HUWE1: variants seen among roughly 807,000 people sequenced by gnomAD.
HUWE1 encodes the protein HECT, UBA and WWE domain containing E3 ubiquitin protein ligase 1.
HUWE1 carries 18 observed loss-of-function variants against 299.4 expected under a neutral mutation model. That is an observed-to-expected ratio of 0.06 (90% CI 0.04 to 0.09). The LOEUF (loss-of-function observed/expected upper bound fraction) is 0.09, where lower values mean the gene tolerates loss of function less well. Ranked by LOEUF, HUWE1 falls within the 10% of genes least tolerant of loss-of-function variation. The pLI, the probability that HUWE1 is intolerant of heterozygous loss-of-function variation, is 1.00. For missense variants in HUWE1, 1,832 were observed against 3,462.3 expected (o/e 0.53, Z 11.82); for synonymous variants, 1,317 against 1,286.1 (o/e 1.02, Z -0.51).
At chrX:53,613,971 T>C (rs1263201372) in intron 23 of HUWE1, among the ~76,000 whole-genome samples, 6 of 112,405 alleles carry the variant, frequency 5.3e-5, no homozygotes, top group Non-Finnish European at 9.4e-5. Context: ...CTTTTAAGAA[T>C]GAGCACTTCC....
intron 82 of HUWE1, 142 bp from the exon 83 acceptor site, chrX:53,534,339 C>G: frequency 1.5e-6 from 1 of 688,807 alleles, no homozygotes. Flanking sequence ...TCCTTTCATT[C>G]ATAAGACGGC....
chrX:53,633,283 T>C (rs2066989717), intron 8 of HUWE1, among the ~76,000 whole-genome samples: 1 of 112,664 alleles, frequency 8.9e-6, no homozygotes, highest in Non-Finnish European at 1.9e-5. Context: ...AAGTTACCAC[T>C]GCATACCTCT....
rs1185783636 is a variant in HUWE1, at chrX:53,686,283, T to G, written c.-176A>C. On this transcript the variant is annotated 5_prime_UTR_variant, in exon 2 of 84. Coordinates refer to ENST00000262854, the MANE Select transcript of HUWE1 (RefSeq NM_031407.7). The stretch of plus-strand genomic sequence containing the variant: ...TAATGCCGGTACCTCGCATCCCCTC[T>G]GTCAGCCGCTCTCTCGCCGCGCCGC... 8.8e-6 allele frequency: 1 copy of G among 113,067 alleles called. No individual in the cohort carries two copies. The highest frequency in any genetic ancestry group is 1.9e-5 in the Non-Finnish European group (1 of 53,226). 9.3% of individuals were successfully genotyped at this position (113,067 alleles called of 1,213,427 possible).
chrX:53,563,689 C>T, intron 52 of HUWE1, 57 bp downstream of exon 52: 2 of 1,162,624 alleles, frequency 1.7e-6, no homozygotes, highest in East Asian at 6.1e-5. Flanking sequence ...GAAAAAGGGT[C>T]CTCCCAAGAG....
intron 56 of HUWE1, 143 bp from the exon 57 acceptor site, chrX:53,559,675 A>G (rs1295034061): frequency 3.6e-6 from 2 of 552,880 alleles, no homozygotes; most frequent in Non-Finnish European, 6.1e-6. Flanking sequence ...AGTCTAAGTT[A>G]TTTTTCTGAA....
chrX:53,592,317 A>T, intron 33 of HUWE1, 81 bp downstream of exon 33: 1 of 661,767 alleles, frequency 1.5e-6, no homozygotes, highest in Non-Finnish European at 2.5e-6. Flanking sequence ...ACTCAGTGGT[A>T]TGTGAGCTTA....
chrX:53,646,715 GTTGT>G (rs1557036281), intron 6 of HUWE1, among the ~76,000 whole-genome samples: 2 of 111,786 alleles, frequency 1.8e-5, no homozygotes. Flanking sequence ...TTTCTTTTAA[GTTGT>G]TTGTTCTGAT....
chrX:53,632,056 A>G, intron 9 of HUWE1: 1 of 343,556 alleles, frequency 2.9e-6, no homozygotes, highest in Non-Finnish European at 5.5e-6. Flanking sequence ...TCACTAAGCT[A>G]CTTCTAAACC....
chrX:53,602,196 A>C (rs2064892551), intron 28 of HUWE1, among the ~76,000 whole-genome samples: 1 of 111,685 alleles, frequency 9.0e-6, no homozygotes, highest in Non-Finnish European at 1.9e-5. Flanking sequence ...CATATTAGAA[A>C]CTTAACAGGG....
chrX:53,614,524 A>C lies in HUWE1; in HGVS notation c.2261+10T>G, dbSNP rs182313670. On this transcript the variant is annotated intron_variant, in intron 23 of 83. Transcript: ENST00000262854. Reference sequence around the variant, plus strand: ...TATATGGCTAGATGATCTGTTCTGTAAACACTTACTGCTGATTAGGCTCAG... The same window carrying C: ...TATATGGCTAGATGATCTGTTCTGTCAACACTTACTGCTGATTAGGCTCAG... 3.3e-4 allele frequency: 385 copies of C among 1,178,938 alleles called. No homozygotes were observed. The African/African-American group carries it at 6.3e-3, about 19-fold the overall frequency.
intron 23 of HUWE1, among the ~76,000 whole-genome samples, chrX:53,611,019 C>T (rs1329844588): frequency 9.1e-6 from 1 of 109,937 alleles, no homozygotes; most frequent in East Asian, 2.8e-4. Flanking sequence ...GGGCAAAAGA[C>T]AGGTATTTAG....
chrX:53,664,615 G>A (rs782430449), intron 3 of HUWE1, among the ~76,000 whole-genome samples: 4 of 111,853 alleles, frequency 3.6e-5, no homozygotes, highest in South Asian at 3.7e-4. Flanking sequence ...GAAGCATTAC[G>A]GCAGTTCTTA....
chrX:53,623,732 CAAGT>C (rs2066299162), intron 19 of HUWE1, among the ~76,000 whole-genome samples: 1 of 111,766 alleles, frequency 8.9e-6, no homozygotes, highest in Admixed American at 9.4e-5. Flanking sequence ...GAAAACAAAA[CAAGT>C]ATGTACTAAT....
chrX:53,573,495 A>G (rs2062938976), intron 47 of HUWE1, among the ~76,000 whole-genome samples: 1 of 112,048 alleles, frequency 8.9e-6, no homozygotes, highest in Admixed American at 9.4e-5. Context: ...TTGAGTAGAG[A>G]TGGGGTTTTG....
intron 36 of HUWE1, 145 bp from the exon 37 acceptor site, chrX:53,588,679 G>A (rs193038908): frequency 1.5e-4 from 83 of 559,532 alleles, no homozygotes; most frequent in Middle Eastern, 4.5e-4. Flanking sequence ...TTTACCATAG[G>A]GATTTAGAAT....
chrX:53,559,151 G>A, intron 57 of HUWE1, 91 bp from the exon 58 acceptor site: 1 of 810,788 alleles, frequency 1.2e-6, no homozygotes, highest in Non-Finnish European at 1.8e-6. Context: ...TCCCTAAAAG[G>A]ACCCAAGGTC....
intron 15 of HUWE1, among the ~76,000 whole-genome samples, chrX:53,628,127 G>A (rs1557019533): frequency 9.0e-6 from 1 of 111,033 alleles, no homozygotes; most frequent in Admixed American, 9.6e-5. Flanking sequence ...AAAAGCTGGT[G>A]CTCATTGCCC....
intron 46 of HUWE1, 137 bp from the exon 47 acceptor site, chrX:53,574,101 G>GC: frequency 1.9e-6 from 1 of 524,497 alleles, no homozygotes; most frequent in Non-Finnish European, 3.3e-6. Flanking sequence ...ACACTGCAGT[G>GC]CAAGAGCAGA....
At chrX:53,606,206 TGAG>T (rs1556996603) in intron 25 of HUWE1, among the ~76,000 whole-genome samples, 1 of 112,149 alleles carries the variant, frequency 8.9e-6, no homozygotes, top group Non-Finnish European at 1.9e-5. Context: ...ATCATATACC[TGAG>T]AAGAAATTAG....
Sources: allele counts gnomAD v4.1 joint callset (sites outside exome capture counted in the v4.1 genomes callset), GRCh38; gene constraint gnomAD v4.1.1; transcripts MANE v1.5; gene names NCBI Gene and HGNC (gene_info 2026-07-23, HGNC 2026-07-21).